The following BRCA1 variants were observed in gnomAD, a reference collection of about 807,000 sequenced individuals.
The protein encoded by BRCA1 is breast cancer type 1 susceptibility protein.
In BRCA1, 140 loss-of-function variants were observed where a neutral mutation model predicts 173.7. The observed-to-expected ratio is 0.81, with a 90% CI of 0.70 to 0.93. BRCA1 has a LOEUF of 0.93. BRCA1 is among the 40% of genes least tolerant of loss of function. BRCA1 has a pLI of 0.00. For synonymous variants in BRCA1, 662 were observed against 756.0 expected, an observed-to-expected ratio of 0.88 and a Z score of 2.04; for missense variants, 1,983 against 2,172.5, an observed-to-expected ratio of 0.91 and a Z score of 1.73.
intron 6 of BRCA1, among the ~76,000 whole-genome samples, chr17:43,102,949 T>C (rs916903472): frequency 2.1e-5 from 1 of 47,432 alleles, no homozygotes; most frequent in African/African-American, 4.2e-5. Context: ...ACCCAGCTAC[T>C]TTTTTTTTTT....
chr17:43,126,390 T>C (rs1480725272), upstream of BRCA1, among the ~76,000 whole-genome samples: 1 of 152,016 alleles, frequency 6.6e-6, no homozygotes, highest in Non-Finnish European at 1.5e-5. Context: ...CCCACAGAGA[T>C]AGCGGCAGAG....
rs80357991 is a variant in BRCA1, at chr17:43,092,531, CT to C, written c.2999del (p.Glu1000GlyfsTer24). ...VKTKCKKNLL[E>X]ENFEEHSMSP... Reference sequence around the variant, plus strand: ...ACATTGAATGTTCCTCAAAGTTTTCCTCTAGCAGATTTTTCTTACATTTAGT... The same window carrying C: ...ACATTGAATGTTCCTCAAAGTTTTCCCTAGCAGATTTTTCTTACATTTAGT... On this transcript the variant is annotated frameshift_variant, in exon 10 of 23. Transcript: ENST00000357654. LOFTEE classifies it high-confidence loss of function. The C allele has an allele frequency of 1.2e-6, 2 of 1,613,888 alleles. No homozygotes were observed. The highest frequency in any genetic ancestry group is 1.7e-6 in the Non-Finnish European group (2 of 1,179,866).
At chr17:43,126,023 G>T (rs555951369), upstream of BRCA1, among the ~76,000 whole-genome samples, 20 of 152,306 alleles carry the variant, frequency 1.3e-4, no homozygotes, top group African/African-American at 4.8e-4. Flanking sequence ...CAGAAACTAG[G>T]CCTTAAAAAG....
rs773139281 is a variant in BRCA1, at chr17:43,097,228, G to T, written c.593+16C>A. On this transcript the variant is annotated intron_variant, in intron 8 of 22. Transcript: ENST00000357654. ...GAAAATACCAGCTTCATAGACAAAGGTTCTCTTTGACTCACCTGCAATAAG... is the reference window on the plus strand; with the variant it reads ...GAAAATACCAGCTTCATAGACAAAGTTTCTCTTTGACTCACCTGCAATAAG... 3 of 1,611,004 alleles carry T rather than the reference G, an allele frequency of 1.9e-6. No homozygotes were observed. Among genetic ancestry groups the T allele is most frequent in the East Asian group, 2.2e-5 (1 of 44,828 alleles).
intron 19 of BRCA1, among the ~76,000 whole-genome samples, chr17:43,055,776 AC>A (rs2051432084): frequency 6.6e-6 from 1 of 152,162 alleles, no homozygotes; most frequent in Non-Finnish European, 1.5e-5. Context: ...ACAGAATCAG[AC>A]AAAAAATTAG....
chr17:43,071,868 C>A (rs1331371342), intron 14 of BRCA1, among the ~76,000 whole-genome samples: 1 of 151,062 alleles, frequency 6.6e-6, no homozygotes, highest in African/African-American at 2.4e-5. Context: ...ATTAGCTGGG[C>A]GTGGTGGCGG....
intron 3 of BRCA1, among the ~76,000 whole-genome samples, chr17:43,112,335 C>T (rs921623093): frequency 1.6e-4 from 25 of 152,160 alleles, no homozygotes; most frequent in African/African-American, 5.1e-4. Context: ...ATCCGCCCAC[C>T]TCAGCCTCCC....
intron 16 of BRCA1, among the ~76,000 whole-genome samples, chr17:43,065,217 G>A (rs2052012871): frequency 6.6e-6 from 1 of 152,120 alleles, no homozygotes; most frequent in Non-Finnish European, 1.5e-5. Flanking sequence ...ATAGTAGTTT[G>A]TAATAACTTG....
intron 14 of BRCA1, 50 bp from the exon 15 acceptor site, chr17:43,071,288 A>G: frequency 6.3e-7 from 1 of 1,588,606 alleles, no homozygotes; most frequent in Non-Finnish European, 8.6e-7. Context: ...ATGTTGAATT[A>G]CAAAGTTCTG....
In BRCA1 at chr17:43,093,240, A is replaced by G. The variant is rs1234701709; in HGVS notation, c.2291T>C (p.Val764Ala). The G allele has an allele frequency of 6.2e-7, 1 of 1,613,960 alleles. No individual in the cohort carries two copies. The highest frequency in any genetic ancestry group is 8.5e-7 in the Non-Finnish European group (1 of 1,179,990). The change falls in exon 10 of 23, where the codon GTA (valine) becomes GCA (alanine). Residue 764 changes from valine (V) to alanine (A), a missense_variant. Val to Ala is a moderately conservative substitution (Grantham distance 64, BLOSUM62 0). Coordinates refer to ENST00000357654, the MANE Select transcript of BRCA1 (RefSeq NM_007294.4). Reference protein sequence around the residue: ...GERVLQTERSVESSSISLVPG... With the variant: ...GERVLQTERSAESSSISLVPG... ...TACCAATGAAATACTGCTACTCTCT[A>G]CAGATCTTTCAGTTTGCAAAACCCT...
intron 1 of BRCA1, among the ~76,000 whole-genome samples, chr17:43,157,371 A>C (rs1319423281): frequency 6.6e-6 from 1 of 152,212 alleles, no homozygotes; most frequent in Non-Finnish European, 1.5e-5. Flanking sequence ...CCATCCTAGA[A>C]GTTTCCATAC....
intron 1 of BRCA1, chr17:43,163,309 T>TA (rs375025279): frequency 3.9e-5 from 6 of 152,332 alleles, no homozygotes; most frequent in African/African-American, 1.4e-4. Flanking sequence ...TTCTGACACA[T>TA]AGAGTGTAAA....
At chr17:43,143,095 TA>T (rs2056091719) in intron 1 of BRCA1, among the ~76,000 whole-genome samples, 1 of 150,564 alleles carries the variant, frequency 6.6e-6, no homozygotes, top group Non-Finnish European at 1.5e-5. Context: ...TATATTTATT[TA>T]TTTATTTATT....
intron 1 of BRCA1, chr17:43,142,520 C>T (rs957000081): frequency 4.6e-5 from 7 of 152,166 alleles, no homozygotes; most frequent in South Asian, 2.1e-4. Flanking sequence ...CGTAACTTGT[C>T]GTTTTGGATG....
upstream of BRCA1, chr17:43,125,386 A>C (rs1211421601): frequency 9.8e-6 from 4 of 406,738 alleles, no homozygotes; most frequent in Non-Finnish European, 2.0e-5. Flanking sequence ...GCGCAGTCGC[A>C]GTTTTAATTT....
rs886038197 is a variant in BRCA1 at position 43,063,901 on chromosome 17, C to T, written c.5125G>A (p.Gly1709Arg). Residue 1709 changes from glycine to arginine, a missense_variant, in exon 17 of 23, where the codon GGA (glycine) becomes AGA (arginine). By Grantham distance (125) the Gly-to-Arg change is moderately radical (BLOSUM62 -2). Transcript: ENST00000357654. ...RTLKYFLGIA[G>R]GKWVVSYFWV... Reference sequence around the variant, plus strand: ...AAATAGCTAACTACCCATTTTCCTCCCGCAATTCCTAGAAAATATTTCAGT... The same window carrying T: ...AAATAGCTAACTACCCATTTTCCTCTCGCAATTCCTAGAAAATATTTCAGT... 6.2e-7 allele frequency: 1 copy of T among 1,613,980 alleles called. No homozygotes were observed. The highest frequency in any genetic ancestry group is 8.5e-7 in the Non-Finnish European group (1 of 1,179,924).
Position 43,074,535 on chromosome 17 carries a change from T to G in BRCA1, c.4485-14A>C. 6.2e-7 allele frequency: 1 copy of G among 1,610,382 alleles called. No homozygotes were observed. Among genetic ancestry groups the G allele is most frequent in the Non-Finnish European group, 8.5e-7 (1 of 1,176,832 alleles). On this transcript the variant is annotated splice_polypyrimidine_tract_variant and intron_variant, in intron 13 of 22. Transcript: ENST00000357654. The stretch of plus-strand genomic sequence containing the variant: ...GAAGGGGATGACCTAGAAAGATAAA[T>G]GGAAGGAGAAAACCATCGCCACCAA...
At chr17:43,075,188 T>G (rs535142720) in intron 13 of BRCA1, among the ~76,000 whole-genome samples, 10 of 152,174 alleles carry the variant, frequency 6.6e-5, no homozygotes, top group Non-Finnish European at 1.0e-4. Flanking sequence ...TGAGTCTAAA[T>G]GGATATGTTA....
intron 18 of BRCA1, among the ~76,000 whole-genome samples, chr17:43,058,395 C>G (rs1055031563): frequency 2.0e-5 from 3 of 151,862 alleles, no homozygotes; most frequent in Admixed American, 2.0e-4. Flanking sequence ...CACACACACA[C>G]ACATAAAACA....
Sources: gnomAD v4.1 joint callset for allele counts (sites outside exome capture counted in the v4.1 genomes callset) on GRCh38, gnomAD v4.1.1 for gene constraint, MANE v1.5 for transcripts, NCBI Gene and HGNC (gene_info 2026-07-23, HGNC 2026-07-21) for gene names.